WARS2: variants seen among roughly 807,000 people sequenced by gnomAD.
WARS2 encodes the protein tryptophan--tRNA ligase, mitochondrial.
A neutral mutation model predicts 36.5 loss-of-function variants in WARS2; 28 were observed. That is an observed-to-expected ratio of 0.77 (90% CI 0.57 to 1.05). WARS2 has a LOEUF of 1.05. Among genes scored for constraint, WARS2 ranks in the 50% least tolerant of loss-of-function variants. The pLI is 0.00. For synonymous variants in WARS2, 174 were observed against 178.4 expected (o/e 0.98, Z 0.20); for missense variants, 435 against 456.8 (o/e 0.95, Z 0.44).
chr1:119,057,435 C>T (rs762421832), intron 2 of WARS2, among the ~76,000 whole-genome samples: 3 of 151,660 alleles, frequency 2.0e-5, no homozygotes, highest in Non-Finnish European at 4.4e-5. Flanking sequence ...TGAGTCACTG[C>T]GCCTGGCCCC....
chr1:119,086,046 G>T, intron 1 of WARS2: 1 of 1,362,962 alleles, frequency 7.3e-7, no homozygotes, highest in Non-Finnish European at 1.0e-6. Flanking sequence ...TTCTCGTAGA[G>T]GCAAGGTCTT....
chr1:119,124,158 C>T (rs950214193), intron 1 of WARS2, among the ~76,000 whole-genome samples: 1 of 152,154 alleles, frequency 6.6e-6, no homozygotes, highest in Non-Finnish European at 1.5e-5. Flanking sequence ...TTTCATCCTC[C>T]ATCTAATTAG....
At position 119,033,378 on chromosome 1, in the gene WARS2, C is replaced by A. The variant is rs1284238050; in HGVS notation, c.635-19G>T. ...ATGGATGCTAGGTTAAAAACACCAA[C>A]ACACACATACCCAAAACAAAAACAA... is the stretch of plus-strand genomic sequence containing the variant. On this transcript the variant is annotated intron_variant, in intron 5 of 5. Coordinates refer to ENST00000235521, the MANE Select transcript of WARS2 (RefSeq NM_015836.4). The A allele has an allele frequency of 3.1e-6, 5 of 1,613,350 alleles. No individual in the cohort carries two copies. The highest frequency in any genetic ancestry group is 4.2e-6 in the Non-Finnish European group (5 of 1,179,708).
chr1:119,100,901 G>T lies in WARS2; in HGVS notation c.91-24294C>A, dbSNP rs587642995. Among the ~76,000 whole-genome samples, 4 of 152,292 alleles carry T rather than the reference G, an allele frequency of 2.6e-5. No individual in the cohort carries two copies. The East Asian group carries it at 7.7e-4, about 29-fold the overall frequency. On this transcript the variant is annotated intron_variant, in intron 1 of 5. Transcript: ENST00000235521. ...GATACTCCCACCTTGGCCTTCTAAA[G>T]TGCTGGGACTATAGGCTTGAGCCAC... is the stretch of plus-strand genomic sequence containing the variant.
rs12406564 is a variant in WARS2 at position 119,122,899 on chromosome 1, G to A, written c.90+17656C>T. ...GGACTTGGGGAAATGGGTGTGAGGC[G>A]GGTGATGGAGAAAAAAAAGAAAAGT... On this transcript the variant is annotated intron_variant, in intron 1 of 5. Coordinates refer to ENST00000235521, the MANE Select transcript of WARS2 (RefSeq NM_015836.4). Among the ~76,000 whole-genome samples the A allele has an allele frequency of 7.4e-3, 1,130 of 152,102 alleles. 67 individuals are homozygous for A. Among genetic ancestry groups the A allele is most frequent in the Admixed American group, 0.069 (1,049 of 15,264 alleles).
chr1:119,103,895 ATTTCT>A (rs1654052045), intron 1 of WARS2, among the ~76,000 whole-genome samples: 2 of 151,322 alleles, frequency 1.3e-5, no homozygotes, highest in East Asian at 1.9e-4. Flanking sequence ...GAAAAAATAG[ATTTCT>A]TTTAATTAAA....
chr1:119,077,585 C>T (rs1191552396), intron 1 of WARS2, among the ~76,000 whole-genome samples: 4 of 151,900 alleles, frequency 2.6e-5, no homozygotes, highest in African/African-American at 9.7e-5. Flanking sequence ...TTTTCTATGC[C>T]TTGGTTTCCT....
At chr1:119,114,158 G>T (rs1654820597) in intron 1 of WARS2, among the ~76,000 whole-genome samples, 1 of 152,172 alleles carries the variant, frequency 6.6e-6, no homozygotes, top group African/African-American at 2.4e-5. Context: ...GTGGGGCCAG[G>T]AAGTCTGGCT....
At chr1:119,055,234 G>T (rs888211200) in intron 2 of WARS2, among the ~76,000 whole-genome samples, 1 of 152,136 alleles carries the variant, frequency 6.6e-6, no homozygotes, top group African/African-American at 2.4e-5. Context: ...CTGAACTTGA[G>T]ACTTTGAAGA....
intron 1 of WARS2, among the ~76,000 whole-genome samples, chr1:119,103,626 T>C (rs1654029322): frequency 6.6e-6 from 1 of 151,790 alleles, no homozygotes; most frequent in Admixed American, 6.6e-5. Context: ...TTCACCATAC[T>C]AGATTTTAAA....
intron 1 of WARS2, among the ~76,000 whole-genome samples, chr1:119,097,851 C>G (rs1002381459): frequency 6.6e-6 from 1 of 152,148 alleles, no homozygotes; most frequent in African/African-American, 2.4e-5. Context: ...AATCCCATGA[C>G]ACTCAGAGTC....
intron 1 of WARS2, among the ~76,000 whole-genome samples, chr1:119,080,304 C>G (rs1283389741): frequency 6.6e-6 from 1 of 151,946 alleles, no homozygotes; most frequent in East Asian, 1.9e-4. Context: ...ACATATATTC[C>G]TCCATCTTCA....
chr1:119,127,283 A>T, intron 1 of WARS2: 1 of 721,944 alleles, frequency 1.4e-6, no homozygotes, highest in Non-Finnish European at 2.4e-6. Flanking sequence ...TGTTCTTGCC[A>T]ACCTCCATGG....
intron 2 of WARS2, among the ~76,000 whole-genome samples, chr1:119,068,071 C>G (rs181469690): frequency 2.7e-3 from 408 of 152,286 alleles, no homozygotes; most frequent in Non-Finnish European, 5.0e-3. Flanking sequence ...ATTCTTATCT[C>G]CTCCTAGGAA....
chr1:119,098,225 G>A (rs1653590677), intron 1 of WARS2, among the ~76,000 whole-genome samples: 1 of 151,674 alleles, frequency 6.6e-6, no homozygotes, highest in Non-Finnish European at 1.5e-5. Flanking sequence ...CTCCAACCAG[G>A]GCAGCAGAGC....
At chr1:119,123,214 A>G (rs587630698) in intron 1 of WARS2, among the ~76,000 whole-genome samples, 2 of 152,350 alleles carry the variant, frequency 1.3e-5, no homozygotes, top group Middle Eastern at 3.4e-3. Context: ...TGGAAACTTT[A>G]AAAAAGAAGC....
intron 1 of WARS2, among the ~76,000 whole-genome samples, chr1:119,078,141 A>G (rs958426000): frequency 5.3e-5 from 8 of 152,230 alleles, no homozygotes; most frequent in African/African-American, 1.9e-4. Context: ...CAGGCCAGAT[A>G]TCACTGACTT....
intron 1 of WARS2, among the ~76,000 whole-genome samples, chr1:119,138,374 T>A (rs6428799): frequency 0.56 from 85,208 of 151,982 alleles, 24,627 homozygotes; most frequent in African/African-American, 0.67. Flanking sequence ...TTCCTCAGAA[T>A]CCTAAAATAT....
chr1:119,046,359 T>C (rs953543264), intron 2 of WARS2, among the ~76,000 whole-genome samples: 6 of 150,288 alleles, frequency 4.0e-5, no homozygotes, highest in Non-Finnish European at 1.5e-5. Flanking sequence ...CAATTTTTTT[T>C]TTTTTTTGAG....
Sources: gnomAD v4.1 joint callset for allele counts (sites outside exome capture counted in the v4.1 genomes callset) on GRCh38, gnomAD v4.1.1 for gene constraint, MANE v1.5 for transcripts, NCBI Gene and HGNC (gene_info 2026-07-23, HGNC 2026-07-21) for gene names.